EXOC6B: variants seen among roughly 807,000 people sequenced by gnomAD.
EXOC6B encodes the protein exocyst complex component 6B.
EXOC6B carries 54 observed loss-of-function variants against 113.5 expected under a neutral mutation model. That is an observed-to-expected ratio of 0.48 (90% CI 0.38 to 0.60). EXOC6B has a LOEUF of 0.60. Ranked by LOEUF, EXOC6B falls within the 20% of genes least tolerant of loss-of-function variation. The pLI, the probability that EXOC6B is intolerant of heterozygous loss-of-function variation, is 0.00. For synonymous variants in EXOC6B, 357 were observed against 339.0 expected (o/e 1.05, Z -0.58); for missense variants, 797 against 977.5 (o/e 0.82, Z 2.46).
intron 1 of EXOC6B, among the ~76,000 whole-genome samples, chr2:72,768,840 T>C (rs915900692): frequency 6.6e-6 from 1 of 152,096 alleles, no homozygotes; most frequent in Non-Finnish European, 1.5e-5. Context: ...TGGCCAGCCG[T>C]GGTAGTTCAC....
chr2:72,697,929 T>C (rs1167986577), intron 6 of EXOC6B, among the ~76,000 whole-genome samples: 1 of 152,074 alleles, frequency 6.6e-6, no homozygotes, highest in Non-Finnish European at 1.5e-5. Context: ...AGCCCTAACT[T>C]AAAACCCTCA....
At chr2:72,816,544 CA>C (rs887560181) in intron 1 of EXOC6B, among the ~76,000 whole-genome samples, 1 of 152,042 alleles carries the variant, frequency 6.6e-6, no homozygotes, top group African/African-American at 2.4e-5. Context: ...AGGAATGAGA[CA>C]AAAAATGTTT....
At chr2:72,458,402 T>C (rs1013081474) in intron 18 of EXOC6B, among the ~76,000 whole-genome samples, 1 of 152,056 alleles carries the variant, frequency 6.6e-6, no homozygotes, top group South Asian at 2.1e-4. Context: ...GAAACCCAGA[T>C]GGGGTAGTTT....
chr2:72,255,182 T>C (rs1169280765), intron 20 of EXOC6B, among the ~76,000 whole-genome samples: 2 of 152,146 alleles, frequency 1.3e-5, no homozygotes, highest in African/African-American at 4.8e-5. Context: ...TGCAGGACCC[T>C]TCTGTCTAGT....
intron 8 of EXOC6B, among the ~76,000 whole-genome samples, chr2:72,523,314 A>T (rs1209518816): frequency 6.6e-6 from 1 of 152,172 alleles, no homozygotes; most frequent in Non-Finnish European, 1.5e-5. Context: ...CATCATATAC[A>T]CAGACATCCA....
chr2:72,630,739 G>A (rs1672335439), intron 6 of EXOC6B, among the ~76,000 whole-genome samples: 1 of 152,040 alleles, frequency 6.6e-6, no homozygotes, highest in African/African-American at 2.4e-5. Flanking sequence ...GTGACTGCTA[G>A]GTCAAAATAA....
intron 1 of EXOC6B, among the ~76,000 whole-genome samples, chr2:72,823,761 A>C (rs1686735188): frequency 6.6e-6 from 1 of 152,028 alleles, no homozygotes; most frequent in Non-Finnish European, 1.5e-5. Flanking sequence ...AGCCTGAGCA[A>C]CAGAGTGAGA....
chr2:72,367,756 C>T (rs1690724434), intron 19 of EXOC6B, among the ~76,000 whole-genome samples: 1 of 152,096 alleles, frequency 6.6e-6, no homozygotes, highest in South Asian at 2.1e-4. Context: ...AACTGGGGGA[C>T]TTTACATTGA....
chr2:72,545,822 T>A (rs1490153487), intron 8 of EXOC6B, among the ~76,000 whole-genome samples: 2 of 152,214 alleles, frequency 1.3e-5, no homozygotes, highest in Non-Finnish European at 2.9e-5. Context: ...CATTTTAGAC[T>A]CTTGAGTTAT....
chr2:72,400,774 A>T (rs2105157070), intron 18 of EXOC6B, among the ~76,000 whole-genome samples: 1 of 152,236 alleles, frequency 6.6e-6, no homozygotes, highest in East Asian at 1.9e-4. Context: ...AACTATTATT[A>T]AAAAGCCAAA....
intron 6 of EXOC6B, among the ~76,000 whole-genome samples, chr2:72,665,943 C>T (rs1675359570): frequency 6.6e-6 from 1 of 152,052 alleles, no homozygotes. Context: ...TTCAAGAGAC[C>T]CATTTCACAT....
intron 20 of EXOC6B, among the ~76,000 whole-genome samples, chr2:72,279,387 G>C (rs903455757): frequency 6.6e-6 from 1 of 152,138 alleles, no homozygotes; most frequent in Non-Finnish European, 1.5e-5. Context: ...TAAATGGCTA[G>C]AGTAGAGGAT....
At chr2:72,734,203 A>T (rs375106241) in intron 2 of EXOC6B, among the ~76,000 whole-genome samples, 14 of 152,298 alleles carry the variant, frequency 9.2e-5, no homozygotes, top group African/African-American at 2.6e-4. Flanking sequence ...CTATACCTGG[A>T]CTATCATTCA....
At chr2:72,526,840 GA>G (rs1701765918) in intron 8 of EXOC6B, among the ~76,000 whole-genome samples, 1 of 151,898 alleles carries the variant, frequency 6.6e-6, no homozygotes, top group South Asian at 2.1e-4. Context: ...TTTTTATTCA[GA>G]TTTTTCATTA....
chr2:72,439,126 C>T (rs1696046906), intron 18 of EXOC6B, among the ~76,000 whole-genome samples: 1 of 152,110 alleles, frequency 6.6e-6, no homozygotes, highest in East Asian at 1.9e-4. Context: ...GCCAATCTCA[C>T]AGGATTCTTA....
Position 72,637,561 on chromosome 2 carries a change from G to A in EXOC6B, c.670-61893C>T, listed in dbSNP as rs559160143. ...CCCAGCACTTTGGGAGGCAGAGGTG[G>A]GCAGATCACTTGAGGTCAGGAGTTT... On this transcript the variant is annotated intron_variant, in intron 6 of 21. Transcript: ENST00000272427. 1.7e-4 allele frequency among the ~76,000 whole-genome samples: 26 copies of A among 152,246 alleles called. 1 individual carries two copies. In the South Asian group the frequency reaches 4.8e-3, roughly 28 times the overall value.
chr2:72,530,670 T>C (rs1166768855), intron 8 of EXOC6B, among the ~76,000 whole-genome samples: 2 of 152,200 alleles, frequency 1.3e-5, no homozygotes. Context: ...TTTAGGAGTT[T>C]TGAAGTCTTC....
intron 18 of EXOC6B, among the ~76,000 whole-genome samples, chr2:72,399,623 C>A (rs1558627770): frequency 6.6e-6 from 1 of 152,088 alleles, no homozygotes; most frequent in African/African-American, 2.4e-5. Flanking sequence ...GTACAAAAAT[C>A]AGTAGCATTT....
intron 18 of EXOC6B, among the ~76,000 whole-genome samples, chr2:72,445,910 T>C (rs185319290): frequency 2.6e-5 from 4 of 152,268 alleles, no homozygotes; most frequent in Admixed American, 6.5e-5. Context: ...TTACTGATCA[T>C]TAGAGAAATA....
Sources: gnomAD v4.1 joint callset for allele counts (sites outside exome capture counted in the v4.1 genomes callset) on GRCh38, gnomAD v4.1.1 for gene constraint, MANE v1.5 for transcripts, NCBI Gene and HGNC (gene_info 2026-07-23, HGNC 2026-07-21) for gene names.